ATP10D: variants seen among roughly 807,000 people sequenced by gnomAD.
The protein encoded by ATP10D is phospholipid-transporting ATPase VD.
A neutral mutation model predicts 144.8 loss-of-function variants in ATP10D; 89 were observed. The ratio of observed to expected loss-of-function variants is 0.61; its 90% CI spans 0.52 to 0.73. The LOEUF (loss-of-function observed/expected upper bound fraction) is 0.73. Ranked by LOEUF, ATP10D falls within the 30% of genes least tolerant of loss-of-function variation. The pLI, the probability that ATP10D is intolerant of heterozygous loss-of-function variation, is 0.00. For missense variants in ATP10D, 1,603 were observed against 1,714.8 expected (o/e 0.93, Z 1.15); for synonymous variants, 571 against 615.1 (o/e 0.93, Z 1.06).
chr4:47,590,878 T>G (rs1217618450), intron 22 of ATP10D, among the ~76,000 whole-genome samples, 164 bp from the exon 23 acceptor site: 2 of 152,126 alleles, frequency 1.3e-5, no homozygotes, highest in Non-Finnish European at 2.9e-5. Flanking sequence ...TTAATATTGT[T>G]TTATCTCCAT....
chr4:47,572,115 TC>T, intron 16 of ATP10D, 38 bp from the exon 17 acceptor site: 1 of 1,584,090 alleles, frequency 6.3e-7, no homozygotes, highest in African/African-American at 1.3e-5. Flanking sequence ...CTTTCTTTAC[TC>T]CTCATATGTT....
At chr4:47,553,451 G>A (rs1476974029) in intron 10 of ATP10D, among the ~76,000 whole-genome samples, 1 of 152,222 alleles carries the variant, frequency 6.6e-6, no homozygotes, top group Non-Finnish European at 1.5e-5. Context: ...AACTTGGTGA[G>A]TCTGGAAGCC....
Position 47,591,352 on chromosome 4 carries a change from G to A in ATP10D, c.4252G>A (p.Ala1418Thr), listed in dbSNP as rs1721039165. Residue 1418 changes from alanine to threonine, a missense_variant, in exon 23 of 23, where the codon GCT (alanine) becomes ACT (threonine). By Grantham distance (58) the Ala-to-Thr change is moderately conservative (BLOSUM62 0). Transcript: ENST00000273859. ...GYSETKAFEM[A>T]GPSKGKES ...CTCTGAAACTAAGGCCTTTGAGATG[G>A]CTGGACCCTCCAAAGGTAAAGAAAG... is the stretch of plus-strand genomic sequence containing the variant. 1.2e-6 allele frequency: 2 copies of A among 1,610,368 alleles called. No homozygotes were observed. Among genetic ancestry groups the A allele is most frequent in the South Asian group, 1.1e-5 (1 of 90,678 alleles).
intron 1 of ATP10D, among the ~76,000 whole-genome samples, chr4:47,495,121 A>G (rs186985720): frequency 1.8e-4 from 27 of 152,338 alleles, no homozygotes; most frequent in Middle Eastern, 3.4e-3. Context: ...ATTTGCCTTT[A>G]TCAAGAAGCT....
intron 1 of ATP10D, among the ~76,000 whole-genome samples, chr4:47,490,596 T>A (rs1043949330): frequency 2.0e-5 from 3 of 152,192 alleles, no homozygotes; most frequent in Non-Finnish European, 4.4e-5. Context: ...TCAGGATGGA[T>A]GGGTTGATGA....
chr4:47,490,093 T>G (rs1714995191), intron 1 of ATP10D, among the ~76,000 whole-genome samples: 1 of 152,210 alleles, frequency 6.6e-6, no homozygotes, highest in Admixed American at 6.5e-5. Context: ...TTGTGAAATC[T>G]TTTTCTTTGA....
intron 10 of ATP10D, among the ~76,000 whole-genome samples, chr4:47,550,213 G>A (rs1718665106): frequency 6.6e-6 from 1 of 151,994 alleles, no homozygotes; most frequent in African/African-American, 2.4e-5. Context: ...ACTAAACCGT[G>A]GGTTTTTAAA....
At chr4:47,509,193 C>T (rs1475988880) in intron 1 of ATP10D, among the ~76,000 whole-genome samples, 5 of 152,042 alleles carry the variant, frequency 3.3e-5, no homozygotes, top group Non-Finnish European at 7.4e-5. Context: ...CTGTTTTCTT[C>T]TTCTTTTTTA....
intron 13 of ATP10D, among the ~76,000 whole-genome samples, chr4:47,559,857 G>C (rs980769462): frequency 6.6e-6 from 1 of 152,066 alleles, no homozygotes; most frequent in Non-Finnish European, 1.5e-5. Flanking sequence ...AAAATTAGCC[G>C]GATCTGGTGG....
intron 12 of ATP10D, 37 bp from the exon 13 acceptor site, chr4:47,558,886 A>G: frequency 6.8e-7 from 1 of 1,479,892 alleles, no homozygotes; most frequent in East Asian, 2.3e-5. Context: ...AATTTGGCAG[A>G]CTGGTAGGAA....
Position 47,573,008 on chromosome 4 carries a change from C to T in ATP10D, c.3366+11C>T, listed in dbSNP as rs1433248559. The T allele has an allele frequency of 1.2e-6, 2 of 1,613,612 alleles. No individual in the cohort carries two copies. Among genetic ancestry groups the T allele is most frequent in the Non-Finnish European group, 1.7e-6 (2 of 1,179,752 alleles). ...TTCTATAAGAATGTGGTATGTAACC[C>T]CAGAGAATTTGTCCCTTTTCCCTTC... On this transcript the variant is annotated intron_variant, in intron 18 of 22. Coordinates refer to ENST00000273859, the MANE Select transcript of ATP10D (RefSeq NM_020453.4).
chr4:47,491,426 T>C (rs1715077682), intron 1 of ATP10D: 16 of 720,686 alleles, frequency 2.2e-5, no homozygotes, highest in South Asian at 2.1e-4. Context: ...AGAACATGTA[T>C]GGGGTGCCGC....
chr4:47,508,783 A>G (rs188055742), intron 1 of ATP10D, among the ~76,000 whole-genome samples: 1 of 152,326 alleles, frequency 6.6e-6, no homozygotes, highest in East Asian at 1.9e-4. Flanking sequence ...GTGTGTATAC[A>G]TGTATTTATG....
At chr4:47,517,074 G>A (rs987871761) in intron 3 of ATP10D, among the ~76,000 whole-genome samples, 1 of 152,170 alleles carries the variant, frequency 6.6e-6, no homozygotes, top group Admixed American at 6.5e-5. Flanking sequence ...TTAGCAAATG[G>A]AAAGAATGCT....
intron 1 of ATP10D, among the ~76,000 whole-genome samples, chr4:47,495,369 A>C (rs1425921750): frequency 6.6e-6 from 1 of 152,174 alleles, no homozygotes; most frequent in African/African-American, 2.4e-5. Context: ...TCTTTTCCAC[A>C]TCTTAAATGT....
chr4:47,571,938 C>T (rs149392808), intron 16 of ATP10D, among the ~76,000 whole-genome samples: 3 of 152,162 alleles, frequency 2.0e-5, no homozygotes, highest in Non-Finnish European at 4.4e-5. Flanking sequence ...GGTGCCATAG[C>T]GTGAAGGAGT....
chr4:47,538,489 A>G (rs76999862), intron 9 of ATP10D, among the ~76,000 whole-genome samples: 12,191 of 152,242 alleles, frequency 0.08, 1,609 homozygotes, highest in African/African-American at 0.28. Flanking sequence ...TTAGTTTTCT[A>G]TCACTGCATA....
In ATP10D at chr4:47,554,763, A is replaced by T. The variant is rs1161921828; in HGVS notation, c.1673A>T (p.Lys558Ile). 6.2e-7 allele frequency: 1 copy of T among 1,613,836 alleles called. No individual in the cohort carries two copies. The highest frequency in any genetic ancestry group is 8.5e-7 in the Non-Finnish European group (1 of 1,179,844). Residue 558 changes from lysine to isoleucine, a missense_variant, in exon 11 of 23, where the codon AAA (lysine) becomes ATA (isoleucine). Physicochemically the swap from Lys to Ile is moderately radical, Grantham distance 102. Transcript: ENST00000273859. ...GTACCAGACACCAGGCTTTTAGACAAATTTAGTCAGATTACACCTCGGCTC... is the reference window on the plus strand; with the variant it reads ...GTACCAGACACCAGGCTTTTAGACATATTTAGTCAGATTACACCTCGGCTC... ...DVVPDTRLLD[K>I]FSQITPRLFM...
At chr4:47,502,902 C>A (rs4410503) in intron 1 of ATP10D, among the ~76,000 whole-genome samples, 151,043 of 152,282 alleles carry the variant, frequency 0.99, 74,916 homozygotes, top group East Asian at 1. Flanking sequence ...CTCCATCAGC[C>A]ATTATATAAA....
Sources: gnomAD v4.1 joint callset for allele counts (sites outside exome capture counted in the v4.1 genomes callset) on GRCh38, gnomAD v4.1.1 for gene constraint, MANE v1.5 for transcripts, NCBI Gene and HGNC (gene_info 2026-07-23, HGNC 2026-07-21) for gene names.